Variants in BEND4 observed in about 807,000 individuals in gnomAD.
BEND4 encodes BEN domain containing 4.
BEND4 carries 27 observed loss-of-function variants against 54.7 expected under a neutral mutation model. The observed-to-expected ratio is 0.49, with a 90% CI of 0.36 to 0.68. The LOEUF is 0.68. BEND4 is among the 30% of genes least tolerant of loss of function. The pLI is 0.00. For synonymous variants in BEND4, 327 were observed against 299.5 expected, an observed-to-expected ratio of 1.09 and a Z score of -0.95; for missense variants, 702 against 697.2, an observed-to-expected ratio of 1.01 and a Z score of -0.08.
rs1007595491 is a variant in BEND4 at position 42,115,286 on chromosome 4, A to C, written c.*2232T>G. 7 of 152,296 alleles carry C rather than the reference A, an allele frequency of 4.6e-5. No individual in the cohort carries two copies. The highest frequency in any genetic ancestry group is 1.7e-4 in the African/African-American group (7 of 41,466). The allele number at this position is 152,296 out of a possible 1,614,324, so 9.4% of individuals were successfully genotyped here. ...GACAGCAGCCTTCTCAGGAGGTAAC[A>C]GTGACAGCCAAAACACAGGCTGCTG... On this transcript the variant is annotated 3_prime_UTR_variant, in exon 6 of 6. Coordinates refer to ENST00000502486, the MANE Select transcript of BEND4 (RefSeq NM_207406.4).
intron 2 of BEND4, among the ~76,000 whole-genome samples, chr4:42,145,510 G>A (rs1391656891): frequency 2.0e-5 from 3 of 151,916 alleles, no homozygotes; most frequent in Non-Finnish European, 2.9e-5. Context: ...TGGCCAACAC[G>A]GTGAAACCCC....
chr4:42,146,203 T>C (rs1293520190), intron 2 of BEND4, among the ~76,000 whole-genome samples: 1 of 152,140 alleles, frequency 6.6e-6, no homozygotes, highest in African/African-American at 2.4e-5. Flanking sequence ...CTCTGAGCCA[T>C]CAATCCAAAG....
rs563607606 is a variant in BEND4 at position 42,117,170 on chromosome 4, A to T, written c.*348T>A. The stretch of plus-strand genomic sequence containing the variant: ...ACCTTCTCCCATGGGCAGAAACACT[A>T]CCCCAGCCTACCTTGGGGACTATCT... On this transcript the variant is annotated 3_prime_UTR_variant, in exon 6 of 6. Transcript: ENST00000502486. 6.1e-5 allele frequency: 11 copies of T among 181,386 alleles called. No individual in the cohort carries two copies. Among genetic ancestry groups the T allele is most frequent in the South Asian group, 1.6e-4 (1 of 6,108 alleles). 11.2% of individuals were successfully genotyped at this position (181,386 alleles called of 1,614,324 possible).
intron 4 of BEND4, 150 bp downstream of exon 4, chr4:42,125,433 C>T: frequency 1.6e-6 from 1 of 626,152 alleles, no homozygotes; most frequent in Non-Finnish European, 2.9e-6. Flanking sequence ...TGATCTTTCT[C>T]CACAAATTAC....
chr4:42,123,656 G>A (rs1224007652), intron 4 of BEND4, among the ~76,000 whole-genome samples: 2 of 133,492 alleles, frequency 1.5e-5, no homozygotes, highest in Non-Finnish European at 3.1e-5. Context: ...AGGGAGCAAA[G>A]GATTTTAAGC....
intron 2 of BEND4, chr4:42,151,385 T>G: frequency 3.7e-6 from 1 of 272,036 alleles, no homozygotes; most frequent in Non-Finnish European, 6.9e-6. Flanking sequence ...GCCCGAGCGA[T>G]CCTGGTCGCC....
At chr4:42,151,633 G>T (rs745402548) in intron 2 of BEND4, 24 bp downstream of exon 2, 21 of 1,434,318 alleles carry the variant, frequency 1.5e-5, no homozygotes, top group South Asian at 5.7e-5. Flanking sequence ...TGGCGGGAAG[G>T]AAAGTTGTGC....
intron 5 of BEND4, 50 bp from the exon 6 acceptor site, chr4:42,117,785 G>A: frequency 7.6e-7 from 1 of 1,323,170 alleles, no homozygotes. Flanking sequence ...AAAACAGCTG[G>A]TTTTTGCAGA....
At chr4:42,150,955 G>C (rs1721249050) in intron 2 of BEND4, 1 of 152,232 alleles carries the variant, frequency 6.6e-6, no homozygotes, top group South Asian at 2.1e-4. Context: ...CGACTCCCGG[G>C]GCAGGAAGGA....
chr4:42,121,375 A>G (rs1720054371), intron 4 of BEND4, among the ~76,000 whole-genome samples: 1 of 152,034 alleles, frequency 6.6e-6, no homozygotes, highest in Non-Finnish European at 1.5e-5. Flanking sequence ...CAGCATTCAT[A>G]CTCTCCTCAA....
chr4:42,129,182 A>G (rs1001333194), intron 3 of BEND4, among the ~76,000 whole-genome samples: 1 of 152,348 alleles, frequency 6.6e-6, no homozygotes, highest in South Asian at 2.1e-4. Flanking sequence ...CAACTGCCAC[A>G]AAGAGAATAA....
chr4:42,124,808 G>A (rs181640318), intron 4 of BEND4, among the ~76,000 whole-genome samples: 7 of 152,032 alleles, frequency 4.6e-5, no homozygotes, highest in Admixed American at 1.3e-4. Flanking sequence ...GATGAGACCC[G>A]GGCCCAACTT....
In BEND4 at chr4:42,151,766, G is replaced by A; in HGVS notation, c.378C>T (p.Ala126=). 1 of 1,497,764 alleles carries A rather than the reference G, an allele frequency of 6.7e-7. No homozygotes were observed. 92.8% of individuals were successfully genotyped at this position (1,497,764 alleles called of 1,614,324 possible). A position where few individuals can be genotyped will look rare whatever the true frequency, so the allele number is the denominator to read the frequency against. Residue 126 remains alanine, a synonymous_variant, in exon 2 of 6, where the codon GCC becomes GCT. Coordinates refer to ENST00000502486, the MANE Select transcript of BEND4 (RefSeq NM_207406.4). ...PAQPPPASPA[A]SSSSSFAAVV... is the part of the protein sequence containing the mutation. ...CAGCGGCGAACGAAGACGACGAGGAGGCGGCGGGGGACGCGGGCGGCGGCT... is the reference window on the plus strand; with the variant it reads ...CAGCGGCGAACGAAGACGACGAGGAAGCGGCGGGGGACGCGGGCGGCGGCT...
At chr4:42,145,048 T>G (rs758426786) in intron 2 of BEND4, among the ~76,000 whole-genome samples, 1 of 152,154 alleles carries the variant, frequency 6.6e-6, no homozygotes, top group Non-Finnish European at 1.5e-5. Context: ...AACAAAATAT[T>G]CTAGATTGTA....
At chr4:42,135,348 CTT>C (rs911632266) in intron 3 of BEND4, among the ~76,000 whole-genome samples, 3 of 152,194 alleles carry the variant, frequency 2.0e-5, no homozygotes, top group African/African-American at 7.2e-5. Flanking sequence ...AGGAAAACAA[CTT>C]ATGATTTCTG....
Position 42,117,722 on chromosome 4 carries a change from C to T in BEND4, c.1401G>A (p.Met467Ile). 5 of 1,601,670 alleles carry T rather than the reference C, an allele frequency of 3.1e-6. No individual in the cohort carries two copies. Among genetic ancestry groups the T allele is most frequent in the Middle Eastern group, 3.3e-4 (2 of 6,040 alleles). Residue 467 changes from methionine (M) to isoleucine (I), a missense_variant, in exon 6 of 6, where the codon ATG (methionine) becomes ATA (isoleucine). By Grantham distance (10) the Met-to-Ile change is conservative (BLOSUM62 1). Coordinates refer to ENST00000502486, the MANE Select transcript of BEND4 (RefSeq NM_207406.4). ...KVTCLREFIR[M>I]HCTSNPDWWM... Reference sequence around the variant, plus strand: ...ACCAATCGGGGTTGGAGGTACAATGCATCCTAATGAATTCTGCAGGAATAT... The same window carrying T: ...ACCAATCGGGGTTGGAGGTACAATGTATCCTAATGAATTCTGCAGGAATAT...
intron 3 of BEND4, among the ~76,000 whole-genome samples, chr4:42,134,744 G>A (rs899028156): frequency 6.6e-6 from 1 of 152,232 alleles, no homozygotes; most frequent in Admixed American, 6.5e-5. Flanking sequence ...AGTGTCACCT[G>A]AGCTGGGTAC....
rs1397929656 is a variant in BEND4 at position 42,125,664 on chromosome 4, C to T, written c.1065G>A (p.Gln355=). The change falls in exon 4 of 6, where the codon CAG becomes CAA. Residue 355 remains glutamine, a synonymous_variant. Coordinates refer to ENST00000502486, the MANE Select transcript of BEND4 (RefSeq NM_207406.4). ...CCATCTTCAAGTAATCTAAAACGGT[C>T]TGGCAGGGCACTGGGTGGAAGAAAT... ...RKLESIPVPC[Q]TVLDYLKMVL... is the part of the protein sequence containing the mutation. 1.2e-6 allele frequency: 2 copies of T among 1,609,696 alleles called. No individual in the cohort carries two copies. The highest frequency in any genetic ancestry group is 1.7e-6 in the Non-Finnish European group (2 of 1,177,532).
chr4:42,135,560 CAGG>C (rs1460482999), intron 3 of BEND4, among the ~76,000 whole-genome samples: 3 of 152,006 alleles, frequency 2.0e-5, no homozygotes, highest in Admixed American at 2.0e-4. Flanking sequence ...ATCATGAGGT[CAGG>C]AGATCGAGAC....
Sources: gnomAD v4.1 joint callset for allele counts (sites outside exome capture counted in the v4.1 genomes callset) on GRCh38, gnomAD v4.1.1 for gene constraint, MANE v1.5 for transcripts, NCBI Gene and HGNC (gene_info 2026-07-23, HGNC 2026-07-21) for gene names.